Variants in GABRB1 observed in about 807,000 individuals in gnomAD.
GABRB1 encodes the protein gamma-aminobutyric acid type A receptor subunit beta1.
In GABRB1, 17 loss-of-function variants were observed where a neutral mutation model predicts 51.6. The observed-to-expected ratio is 0.33, with a 90% CI of 0.23 to 0.49. GABRB1 has a LOEUF of 0.49. Ranked by LOEUF, GABRB1 falls within the 20% of genes least tolerant of loss-of-function variation. The probability of loss-of-function intolerance (pLI) is 0.99; values close to 1 mark genes in which losing one functional copy is unlikely to be tolerated. For missense variants in GABRB1, 410 were observed against 600.6 expected (o/e 0.68, Z 3.32); for synonymous variants, 247 against 218.9 (o/e 1.13, Z -1.14).
intron 5 of GABRB1, among the ~76,000 whole-genome samples, chr4:47,354,385 T>C (rs1169841713): frequency 6.6e-6 from 1 of 152,204 alleles, no homozygotes; most frequent in Non-Finnish European, 1.5e-5. Flanking sequence ...ACTTGGCTTG[T>C]TTCCCATTAT....
intron 5 of GABRB1, among the ~76,000 whole-genome samples, chr4:47,368,111 A>T (rs1222818876): frequency 6.6e-6 from 1 of 152,174 alleles, no homozygotes; most frequent in Non-Finnish European, 1.5e-5. Flanking sequence ...CTCTACTACC[A>T]TCCAGAGACA....
intron 3 of GABRB1, among the ~76,000 whole-genome samples, chr4:47,151,414 C>A (rs914926049): frequency 1.3e-5 from 2 of 152,004 alleles, no homozygotes; most frequent in African/African-American, 2.4e-5. Flanking sequence ...TTAATTTCTT[C>A]ATTTCTTCAA....
chr4:47,214,499 A>G (rs1720479710), intron 4 of GABRB1, among the ~76,000 whole-genome samples: 1 of 152,102 alleles, frequency 6.6e-6, no homozygotes, highest in Admixed American at 6.6e-5. Flanking sequence ...TCTCCTTGTG[A>G]CTTTGTAGGG....
chr4:47,394,706 T>C (rs1231678276), intron 5 of GABRB1, among the ~76,000 whole-genome samples: 10 of 152,034 alleles, frequency 6.6e-5, no homozygotes, highest in Admixed American at 6.6e-5. Flanking sequence ...CCTGAATGGA[T>C]TTTGCTGAGG....
In GABRB1 at chr4:47,320,124, C is replaced by T; in HGVS notation, c.462-3C>T. 1 of 1,579,172 alleles carries T rather than the reference C, an allele frequency of 6.3e-7. No individual in the cohort carries two copies. On this transcript the variant is annotated splice_region_variant and splice_polypyrimidine_tract_variant and intron_variant, in intron 4 of 8. Transcript: ENST00000295454. Reference sequence around the variant, plus strand: ...TTTCTTTTTTCTCTCTCCTCTCTATCAGAATCACAACCACAGCTGCATGTA... The same window carrying T: ...TTTCTTTTTTCTCTCTCCTCTCTATTAGAATCACAACCACAGCTGCATGTA...
intron 1 of GABRB1, among the ~76,000 whole-genome samples, chr4:47,026,118 T>A (rs1420074299): frequency 6.6e-6 from 1 of 151,936 alleles, no homozygotes; most frequent in Non-Finnish European, 1.5e-5. Context: ...AAGTTTGAGA[T>A]CAGCTTAGGC....
At chr4:47,050,462 G>A (rs749853548) in intron 3 of GABRB1, among the ~76,000 whole-genome samples, 1 of 151,678 alleles carries the variant, frequency 6.6e-6, no homozygotes, top group Non-Finnish European at 1.5e-5. Flanking sequence ...TTTTTTTTAA[G>A]AGCTGCTTGT....
At chr4:47,119,219 T>A (rs1715640154) in intron 3 of GABRB1, among the ~76,000 whole-genome samples, 2 of 152,174 alleles carry the variant, frequency 1.3e-5, no homozygotes, top group Admixed American at 1.3e-4. Context: ...GTGCTGGGAA[T>A]CAATGGCAAA....
At chr4:47,425,508 A>AGATAGATG (rs1160399141) in intron 8 of GABRB1, among the ~76,000 whole-genome samples, 166 bp from the exon 9 acceptor site, 3 of 149,376 alleles carry the variant, frequency 2.0e-5, no homozygotes, top group Non-Finnish European at 4.5e-5. Flanking sequence ...ATAGATAGAT[A>AGATAGATG]GATAGATAGA....
intron 7 of GABRB1, among the ~76,000 whole-genome samples, chr4:47,403,937 A>G (rs1429821103): frequency 1.3e-5 from 2 of 152,226 alleles, no homozygotes; most frequent in African/African-American, 4.8e-5. Context: ...AAATCTTGGA[A>G]TATATCTAGC....
At position 47,042,881 on chromosome 4, in the gene GABRB1, T is replaced by C. The variant is rs114603550; in HGVS notation, c.240+10397T>C. 1.9e-3 allele frequency among the ~76,000 whole-genome samples: 292 copies of C among 152,080 alleles called. 1 individual carries two copies. The highest frequency in any genetic ancestry group is 3.6e-3 in the Non-Finnish European group (244 of 67,954). On this transcript the variant is annotated intron_variant, in intron 3 of 8. Coordinates refer to ENST00000295454, the MANE Select transcript of GABRB1 (RefSeq NM_000812.4). Reference sequence around the variant, plus strand: ...CAAAATTATACATATACCTCATGTATACATAATTTTATCCTTGCTGCTACA... The same window carrying C: ...CAAAATTATACATATACCTCATGTACACATAATTTTATCCTTGCTGCTACA...
Position 47,249,139 on chromosome 4 carries a change from G to A in GABRB1, c.462-70988G>A, listed in dbSNP as rs573200165. On this transcript the variant is annotated intron_variant, in intron 4 of 8. Transcript: ENST00000295454. Reference sequence around the variant, plus strand: ...TACTCTTTCAGTCTTTTTGATGTAGGCATTTAGGGATATGAACTTTCCTCT... The same window carrying A: ...TACTCTTTCAGTCTTTTTGATGTAGACATTTAGGGATATGAACTTTCCTCT... Among the ~76,000 whole-genome samples, 11 of 152,080 alleles carry A rather than the reference G, an allele frequency of 7.2e-5. No homozygotes were observed. The South Asian group carries it at 1.7e-3, about 23-fold the overall frequency.
At chr4:47,019,625 C>CTCTCTCTCTTTTTCTTTCTTTCTT in intron 1 of GABRB1, among the ~76,000 whole-genome samples, 1 of 91,062 alleles carries the variant, frequency 1.1e-5, no homozygotes, top group Non-Finnish European at 2.1e-5. Context: ...TTCTTTCTCT[C>CTCTCTCTCTTTTTCTTTCTTTCTT]TCTTTCTTTC....
chr4:47,096,653 T>G (rs1260151764), intron 3 of GABRB1, among the ~76,000 whole-genome samples: 1 of 152,126 alleles, frequency 6.6e-6, no homozygotes, highest in Admixed American at 6.6e-5. Context: ...AAGTGGGTTG[T>G]TAAAAATGAA....
chr4:47,012,010 T>A (rs899637024), intron 1 of GABRB1, among the ~76,000 whole-genome samples: 2 of 152,142 alleles, frequency 1.3e-5, no homozygotes, highest in Admixed American at 6.5e-5. Context: ...AATAAATTAA[T>A]AAAACATTAC....
chr4:47,088,649 C>G (rs1728174946), intron 3 of GABRB1, among the ~76,000 whole-genome samples: 2 of 152,124 alleles, frequency 1.3e-5, no homozygotes, highest in South Asian at 2.1e-4. Context: ...ATTGAGAAGG[C>G]CAGCTTACAT....
At chr4:47,027,673 A>G (rs896169312), upstream of GABRB1, among the ~76,000 whole-genome samples, 1 of 151,640 alleles carries the variant, frequency 6.6e-6, no homozygotes, top group African/African-American at 2.4e-5. Context: ...TTAATGCAAT[A>G]TAAAAATAAC....
intron 4 of GABRB1, among the ~76,000 whole-genome samples, chr4:47,257,517 G>T (rs911729759): frequency 5.3e-5 from 8 of 151,688 alleles, no homozygotes; most frequent in Non-Finnish European, 1.2e-4. Context: ...TTGACACAAG[G>T]CACAAGCTCC....
Position 47,087,686 on chromosome 4 carries a change from A to AG in GABRB1, c.240+55202_240+55203insG, listed in dbSNP as rs376960025. Reference sequence around the variant, plus strand: ...TATTATGGAGTTTTCCTTTGAAAAAACATTTTAGAAGTGTTTTGGAGAAAC... The same window carrying AG: ...TATTATGGAGTTTTCCTTTGAAAAAAGCATTTTAGAAGTGTTTTGGAGAAAC... On this transcript the variant is annotated intron_variant, in intron 3 of 8. Transcript: ENST00000295454. 9.9e-5 allele frequency among the ~76,000 whole-genome samples: 15 copies of AG among 152,274 alleles called. 1 individual carries two copies. Among genetic ancestry groups the AG allele is most frequent in the African/African-American group, 3.6e-4 (15 of 41,564 alleles).
Sources: allele counts gnomAD v4.1 joint callset (sites outside exome capture counted in the v4.1 genomes callset), GRCh38; gene constraint gnomAD v4.1.1; transcripts MANE v1.5; gene names NCBI Gene and HGNC (gene_info 2026-07-23, HGNC 2026-07-21).